The following TRIM24 variants were observed in gnomAD, a reference collection of about 807,000 sequenced individuals.
TRIM24 encodes the protein transcription intermediary factor 1-alpha.
Under a neutral mutation model 123.9 loss-of-function variants are expected in TRIM24, and 29 were observed. The ratio of observed to expected loss-of-function variants is 0.23; its 90% confidence interval spans 0.17 to 0.32. TRIM24 has a LOEUF of 0.32. TRIM24 is among the 10% of genes least tolerant of loss of function. The pLI is 1.00. For synonymous variants in TRIM24, 456 were observed against 461.1 expected (o/e 0.99, Z 0.14); for missense variants, 932 against 1,295.3 (o/e 0.72, Z 4.31).
intron 1 of TRIM24, among the ~76,000 whole-genome samples, chr7:138,489,171 C>G (rs1403353875): frequency 6.6e-6 from 1 of 151,948 alleles, no homozygotes; most frequent in Non-Finnish European, 1.5e-5. Flanking sequence ...GGATTGCAAC[C>G]TCTGCTATTT....
At chr7:138,561,761 C>G (rs1379446939) in intron 9 of TRIM24, among the ~76,000 whole-genome samples, 1 of 152,162 alleles carries the variant, frequency 6.6e-6, no homozygotes, top group Non-Finnish European at 1.5e-5. Context: ...TTAGTTAGAT[C>G]TGGCAATCCT....
intron 2 of TRIM24, among the ~76,000 whole-genome samples, chr7:138,508,708 C>CGTGTGTGTGTGTGTGT (rs61703393): frequency 4.4e-5 from 6 of 136,192 alleles, no homozygotes; most frequent in East Asian, 2.5e-4. Flanking sequence ...CGCGTGTGTG[C>CGTGTGTGTGTGTGTGT]GTGTGTGTGT....
At chr7:138,555,239 G>C (rs1463820507) in intron 9 of TRIM24, among the ~76,000 whole-genome samples, 1 of 152,046 alleles carries the variant, frequency 6.6e-6, no homozygotes, top group Non-Finnish European at 1.5e-5. Context: ...AAATAACCCA[G>C]GCCTGTGATT....
At chr7:138,498,550 A>G (rs1795965726) in intron 1 of TRIM24, among the ~76,000 whole-genome samples, 1 of 151,980 alleles carries the variant, frequency 6.6e-6, no homozygotes, top group African/African-American at 2.4e-5. Flanking sequence ...CTATAAATTT[A>G]TTTACACGTT....
intron 14 of TRIM24, among the ~76,000 whole-genome samples, chr7:138,578,564 G>GTGTGTGTGCGCGCA (rs199523768): frequency 1.3e-5 from 1 of 75,448 alleles, no homozygotes; most frequent in African/African-American, 4.0e-5. Context: ...GTGTGTGTGT[G>GTGTGTGTGCGCGCA]CGCGCACGCA....
intron 6 of TRIM24, among the ~76,000 whole-genome samples, chr7:138,531,203 A>G (rs898383791): frequency 1.6e-5 from 2 of 126,482 alleles, no homozygotes; most frequent in African/African-American, 3.3e-5. Context: ...ACATGTATAC[A>G]TGTATACGTG....
chr7:138,544,263 T>A (rs1250852461), intron 7 of TRIM24, among the ~76,000 whole-genome samples: 1 of 152,232 alleles, frequency 6.6e-6, no homozygotes, highest in Non-Finnish European at 1.5e-5. Flanking sequence ...TAAGTGAGAT[T>A]ATACAGTATT....
chr7:138,485,600 A>T (rs1206447367), intron 1 of TRIM24, among the ~76,000 whole-genome samples: 1 of 151,948 alleles, frequency 6.6e-6, no homozygotes, highest in African/African-American at 2.4e-5. Context: ...GAGAACATGC[A>T]GCATTTGGTT....
chr7:138,563,061 G>A (rs569070421), intron 9 of TRIM24, among the ~76,000 whole-genome samples: 1 of 152,264 alleles, frequency 6.6e-6, no homozygotes, highest in East Asian at 1.9e-4. Flanking sequence ...TATAGTTTTT[G>A]GATAGTGGTC....
chr7:138,578,419 A>G (rs1797811938), intron 14 of TRIM24, among the ~76,000 whole-genome samples: 1 of 152,214 alleles, frequency 6.6e-6, no homozygotes, highest in Non-Finnish European at 1.5e-5. Flanking sequence ...AATACTGATC[A>G]GTTAGAATAG....
chr7:138,555,453 T>C, intron 9 of TRIM24, among the ~76,000 whole-genome samples: 1 of 152,032 alleles, frequency 6.6e-6, no homozygotes, highest in East Asian at 1.9e-4. Flanking sequence ...AAATATACTG[T>C]CTACCGTTCT....
At chr7:138,480,718 T>C (rs1795507474) in intron 1 of TRIM24, among the ~76,000 whole-genome samples, 1 of 152,190 alleles carries the variant, frequency 6.6e-6, no homozygotes, top group African/African-American at 2.4e-5. Context: ...AACTCTCATA[T>C]ACCCACTAGC....
chr7:138,549,298 A>G (rs1412746867), intron 7 of TRIM24, among the ~76,000 whole-genome samples: 1 of 152,190 alleles, frequency 6.6e-6, no homozygotes, highest in Non-Finnish European at 1.5e-5. Context: ...ATGTAGAGGA[A>G]GGGAGAAGTC....
intron 9 of TRIM24, among the ~76,000 whole-genome samples, chr7:138,563,153 C>A (rs1160452192): frequency 6.6e-6 from 1 of 152,188 alleles, no homozygotes; most frequent in Non-Finnish European, 1.5e-5. Flanking sequence ...TCTAATGTGA[C>A]CATGGGCTCC....
intron 9 of TRIM24, among the ~76,000 whole-genome samples, chr7:138,565,646 G>C (rs1813003): frequency 2.6e-5 from 4 of 151,960 alleles, no homozygotes; most frequent in Non-Finnish European, 4.4e-5. Context: ...ATAGGTAGAA[G>C]AGGAGGATTT....
At chr7:138,515,766 C>CT (rs1278700126) in intron 3 of TRIM24, among the ~76,000 whole-genome samples, 1 of 152,024 alleles carries the variant, frequency 6.6e-6, no homozygotes, top group Admixed American at 6.6e-5. Flanking sequence ...GCCAGAGAGG[C>CT]TTTTTTATGT....
chr7:138,559,079 C>A (rs1174460668), intron 9 of TRIM24, among the ~76,000 whole-genome samples: 1 of 152,160 alleles, frequency 6.6e-6, no homozygotes, highest in Non-Finnish European at 1.5e-5. Flanking sequence ...TTTGGAAGAT[C>A]CCCTTCCTTA....
chr7:138,473,441 G>A (rs1011344868), intron 1 of TRIM24, among the ~76,000 whole-genome samples: 20 of 152,238 alleles, frequency 1.3e-4, no homozygotes, highest in Non-Finnish European at 2.5e-4. Flanking sequence ...TTTCTGTCCC[G>A]TTGTTAGTGT....
chr7:138,580,508 G>C lies in TRIM24; in HGVS notation c.2586-54G>C, dbSNP rs1298289008. 8 of 1,570,832 alleles carry C rather than the reference G, an allele frequency of 5.1e-6. No individual in the cohort carries two copies. In the East Asian group the frequency reaches 1.8e-4, roughly 35 times the overall value. On this transcript the variant is annotated intron_variant, in intron 15 of 18. Coordinates refer to ENST00000343526, the MANE Select transcript of TRIM24 (RefSeq NM_015905.3). Reference sequence around the variant, plus strand: ...ATGGAGGAGGTGGGAAAGGGAAATAGTGAAGAGAGGAAATGATGCATTAGG... The same window carrying C: ...ATGGAGGAGGTGGGAAAGGGAAATACTGAAGAGAGGAAATGATGCATTAGG...
Sources: gnomAD v4.1 joint callset for allele counts (sites outside exome capture counted in the v4.1 genomes callset) on GRCh38, gnomAD v4.1.1 for gene constraint, MANE v1.5 for transcripts, NCBI Gene and HGNC (gene_info 2026-07-23, HGNC 2026-07-21) for gene names.